The following EXOC2 variants were observed in gnomAD, a reference collection of about 807,000 sequenced individuals.
EXOC2 encodes the protein exocyst complex component 2.
EXOC2 carries 70 observed loss-of-function variants against 131.8 expected under a neutral mutation model. The observed-to-expected ratio is 0.53, with a 90% confidence interval of 0.44 to 0.65. The LOEUF is 0.65. EXOC2 is among the 30% of genes least tolerant of loss of function. EXOC2 has a pLI of 0.00. For synonymous variants in EXOC2, 411 were observed against 398.4 expected, an observed-to-expected ratio of 1.03 and a Z score of -0.38; for missense variants, 923 against 1,108.6, an observed-to-expected ratio of 0.83 and a Z score of 2.38.
At chr6:668,883 T>C (rs1763733715) in intron 1 of EXOC2, among the ~76,000 whole-genome samples, 1 of 152,242 alleles carries the variant, frequency 6.6e-6, no homozygotes, top group Admixed American at 6.5e-5. Context: ...TTGTTGTTTT[T>C]TTATTGCTGC....
intron 1 of EXOC2, among the ~76,000 whole-genome samples, chr6:671,048 CAAAAA>C (rs376028047): frequency 8.3e-5 from 7 of 84,084 alleles, no homozygotes; most frequent in Admixed American, 8.3e-4. Context: ...GACTCCATCT[CAAAAA>C]AAAAAAAAAA....
intron 1 of EXOC2, chr6:656,665 C>A (rs1208544950): frequency 1.2e-6 from 2 of 1,606,672 alleles, no homozygotes; most frequent in Non-Finnish European, 1.7e-6. Flanking sequence ...GCGCCCGCTG[C>A]GCTTCTCGCC....
intron 1 of EXOC2, among the ~76,000 whole-genome samples, chr6:649,432 A>G (rs1365714342): frequency 1.3e-5 from 2 of 152,202 alleles, no homozygotes; most frequent in Admixed American, 6.5e-5. Context: ...ATGGGCTACA[A>G]ATTATTACTT....
chr6:678,915 A>G (rs929136889), intron 1 of EXOC2, among the ~76,000 whole-genome samples: 5 of 152,246 alleles, frequency 3.3e-5, no homozygotes, highest in Non-Finnish European at 7.3e-5. Flanking sequence ...CTCCAAAAGC[A>G]TAATGTTCTT....
intron 7 of EXOC2, among the ~76,000 whole-genome samples, chr6:599,679 G>C (rs938694943): frequency 6.6e-6 from 1 of 152,134 alleles, no homozygotes; most frequent in South Asian, 2.1e-4. Flanking sequence ...TTTCAGGAAA[G>C]TTGCTCAATA....
intron 1 of EXOC2, among the ~76,000 whole-genome samples, chr6:641,821 G>T (rs1195244130): frequency 1.3e-5 from 2 of 152,076 alleles, no homozygotes; most frequent in African/African-American, 2.4e-5. Context: ...TGCAACAGAC[G>T]TATAACTGGT....
chr6:653,708 A>G (rs780116805), intron 1 of EXOC2, among the ~76,000 whole-genome samples: 1 of 152,264 alleles, frequency 6.6e-6, no homozygotes, highest in Non-Finnish European at 1.5e-5. Context: ...AGATCTAGCT[A>G]TTATAAGATC....
At chr6:521,280 C>A (rs1479177980) in intron 23 of EXOC2, among the ~76,000 whole-genome samples, 1 of 150,722 alleles carries the variant, frequency 6.6e-6, no homozygotes, top group Non-Finnish European at 1.5e-5. Flanking sequence ...CACCACCCAC[C>A]GAGCGCCGAC....
At position 610,018 on chromosome 6, in the gene EXOC2, C is replaced by T. The variant is rs558258636; in HGVS notation, c.742+80G>A. On this transcript the variant is annotated intron_variant, in intron 7 of 27. Coordinates refer to ENST00000230449, the MANE Select transcript of EXOC2 (RefSeq NM_018303.6). ...TAAAATGCAACTTACTGCCTTGTCC[C>T]GCGATATCAGGTCCAAGAACTAATT... 543 of 1,251,310 alleles carry T rather than the reference C, an allele frequency of 4.3e-4. 3 individuals are homozygous for T. In the Middle Eastern group the frequency reaches 7.0e-3, roughly 16 times the overall value. The allele number at this position is 1,251,310 out of a possible 1,614,324, so 77.5% of individuals were successfully genotyped here. A position where few individuals can be genotyped will look rare whatever the true frequency, so the allele number is the denominator to read the frequency against.
Position 646,487 on chromosome 6 carries a change from T to C in EXOC2, c.-43-8626A>G, listed in dbSNP as rs533932462. ...AAAGTTTTCTGTAAGTTTGAAGTTATAGCAAAATAAAAAGTTATCAAATAT... is the reference window on the plus strand; with the variant it reads ...AAAGTTTTCTGTAAGTTTGAAGTTACAGCAAAATAAAAAGTTATCAAATAT... On this transcript the variant is annotated intron_variant, in intron 1 of 27. Coordinates refer to ENST00000230449, the MANE Select transcript of EXOC2 (RefSeq NM_018303.6). Among the ~76,000 whole-genome samples, 570 of 129,678 alleles carry C rather than the reference T, an allele frequency of 4.4e-3. 5 individuals carry two copies. Among genetic ancestry groups the C allele is most frequent in the African/African-American group, 0.015 (543 of 36,252 alleles). The allele number at this position is 129,678 out of a possible 152,430, so 85.1% of individuals were successfully genotyped here. A position where few individuals can be genotyped will look rare whatever the true frequency, so the allele number is the denominator to read the frequency against.
Position 638,967 on chromosome 6 carries a change from C to CT in EXOC2, c.-43-1107_-43-1106insA, listed in dbSNP as rs10623287. Among the ~76,000 whole-genome samples the CT allele has an allele frequency of 2.6e-5, 4 of 151,466 alleles. No individual in the cohort carries two copies. In the South Asian group the frequency reaches 8.3e-4, roughly 32 times the overall value. On this transcript the variant is annotated intron_variant, in intron 1 of 27. Coordinates refer to ENST00000230449, the MANE Select transcript of EXOC2 (RefSeq NM_018303.6). ...AATAATAAAATTTTACTAATAAACC[C>CT]GAGAACTCAAGTGCTCAGGGCTTCA...
At chr6:596,354 C>T (rs1759819915) in intron 10 of EXOC2, among the ~76,000 whole-genome samples, 1 of 151,780 alleles carries the variant, frequency 6.6e-6, no homozygotes, top group Non-Finnish European at 1.5e-5. Flanking sequence ...GCTTTCAGGC[C>T]AGACGCTCTT....
rs146274963 is a variant in EXOC2, at chr6:649,322, T to C, written c.-43-11461A>G. Reference sequence around the variant, plus strand: ...TCAGATTCTGGTACAAGAAAACTAATAATATACAAAGTACTAAATAATGCA... The same window carrying C: ...TCAGATTCTGGTACAAGAAAACTAACAATATACAAAGTACTAAATAATGCA... On this transcript the variant is annotated intron_variant, in intron 1 of 27. Transcript: ENST00000230449. Among the ~76,000 whole-genome samples the C allele has an allele frequency of 3.7e-3, 563 of 152,300 alleles. 1 individual carries two copies. The highest frequency in any genetic ancestry group is 4.4e-3 in the Non-Finnish European group (297 of 68,026).
chr6:588,803 CTT>C (rs79527588), intron 11 of EXOC2, among the ~76,000 whole-genome samples: 1 of 149,454 alleles, frequency 6.7e-6, no homozygotes. Context: ...CTTCTGTCAC[CTT>C]TTTTTTTTCC....
intron 1 of EXOC2, among the ~76,000 whole-genome samples, chr6:673,030 C>T (rs1437310012): frequency 2.6e-5 from 4 of 151,896 alleles, no homozygotes; most frequent in Non-Finnish European, 5.9e-5. Context: ...GAGGCCAAGG[C>T]GGGCAGATCA....
At chr6:661,218 T>C (rs989871164) in intron 1 of EXOC2, among the ~76,000 whole-genome samples, 1 of 152,176 alleles carries the variant, frequency 6.6e-6, no homozygotes, top group Non-Finnish European at 1.5e-5. Flanking sequence ...TTGGAAAACA[T>C]GGGGAATAAT....
chr6:574,045 G>A (rs1275001774), intron 12 of EXOC2, among the ~76,000 whole-genome samples: 3 of 152,106 alleles, frequency 2.0e-5, no homozygotes, highest in Admixed American at 6.5e-5. Flanking sequence ...GTATTCAAAC[G>A]TAAGGCAAAG....
chr6:579,775 CAA>C lies in EXOC2; in HGVS notation c.1193-2895_1193-2894del, dbSNP rs1758784089. 4.6e-5 allele frequency among the ~76,000 whole-genome samples: 7 copies of C among 150,876 alleles called. No homozygotes were observed. The South Asian group carries it at 8.4e-4, about 18-fold the overall frequency. ...GTATGACCAAGTGTCAAAAAAAAAA[CAA>C]ACAACTTGATAATTCTGACACTCCT... On this transcript the variant is annotated intron_variant, in intron 11 of 27. Coordinates refer to ENST00000230449, the MANE Select transcript of EXOC2 (RefSeq NM_018303.6).
intron 1 of EXOC2, among the ~76,000 whole-genome samples, chr6:643,068 C>T (rs2179512): frequency 0.71 from 107,734 of 152,012 alleles, 38,811 homozygotes; most frequent in Middle Eastern, 0.88. Context: ...ATCAGAAAGA[C>T]ATAACAATCA....
Sources: allele counts gnomAD v4.1 joint callset (sites outside exome capture counted in the v4.1 genomes callset), GRCh38; gene constraint gnomAD v4.1.1; transcripts MANE v1.5; gene names NCBI Gene and HGNC (gene_info 2026-07-23, HGNC 2026-07-21).